Variants in LRP2 observed in about 807,000 individuals in gnomAD.
LRP2 encodes low-density lipoprotein receptor-related protein 2.
LRP2 carries 172 observed loss-of-function variants against 531.0 expected under a neutral mutation model. That is an observed-to-expected ratio of 0.32 (90% CI 0.29 to 0.37). The LOEUF is 0.37. Among genes scored for constraint, LRP2 ranks in the 10% least tolerant of loss-of-function variants. The pLI is 1.00. For synonymous variants in LRP2, 1,992 were observed against 2,027.6 expected (o/e 0.98, Z 0.47); for missense variants, 5,167 against 5,868.3 (o/e 0.88, Z 3.90).
At chr2:169,231,920 G>A (rs758479932) in intron 30 of LRP2, 78 bp from the exon 31 acceptor site, 1 of 1,561,650 alleles carries the variant, frequency 6.4e-7, no homozygotes, top group Non-Finnish European at 8.7e-7. Flanking sequence ...TGCTCTTAGT[G>A]TCCTTCCAGA....
At chr2:169,225,850 C>G (rs1689182950) in intron 32 of LRP2, among the ~76,000 whole-genome samples, 2 of 152,188 alleles carry the variant, frequency 1.3e-5, no homozygotes, top group South Asian at 4.1e-4. Context: ...CCTATTCTTA[C>G]AGGTTTTTTC....
chr2:169,208,346 T>C (rs557509343), intron 38 of LRP2, among the ~76,000 whole-genome samples: 2 of 152,342 alleles, frequency 1.3e-5, no homozygotes, highest in East Asian at 3.9e-4. Flanking sequence ...GGAACGGGAG[T>C]TAGGAACCCA....
In LRP2 at chr2:169,273,087, G is replaced by A. The variant is rs762731977; in HGVS notation, c.1976-20C>T. ...TGGTAGCTGGAAGGAAAAATGCACAGGGTTAAATTGCAATTAGAAATGTGT... is the reference window on the plus strand; with the variant it reads ...TGGTAGCTGGAAGGAAAAATGCACAAGGTTAAATTGCAATTAGAAATGTGT... On this transcript the variant is annotated intron_variant, in intron 14 of 78. Coordinates refer to ENST00000649046, the MANE Select transcript of LRP2 (RefSeq NM_004525.3). 6.2e-7 allele frequency: 1 copy of A among 1,613,236 alleles called. No individual in the cohort carries two copies. The highest frequency in any genetic ancestry group is 8.5e-7 in the Non-Finnish European group (1 of 1,179,474).
chr2:169,318,689 T>C (rs1480618683), intron 3 of LRP2, 73 bp downstream of exon 3: 1 of 1,599,728 alleles, frequency 6.3e-7, no homozygotes, highest in African/African-American at 1.3e-5. Flanking sequence ...TCCCATTGTG[T>C]GTAACTTCTT....
intron 18 of LRP2, among the ~76,000 whole-genome samples, chr2:169,256,808 C>A (rs1055951625): frequency 6.6e-6 from 1 of 152,036 alleles, no homozygotes; most frequent in Non-Finnish European, 1.5e-5. Context: ...CAAATCTGTA[C>A]CCTACTTTAA....
At chr2:169,230,928 G>C (rs1202874660) in intron 31 of LRP2, among the ~76,000 whole-genome samples, 1 of 152,142 alleles carries the variant, frequency 6.6e-6, no homozygotes, top group African/African-American at 2.4e-5. Context: ...GATGGTAATA[G>C]TAACAGTACT....
intron 1 of LRP2, among the ~76,000 whole-genome samples, chr2:169,353,850 GAGTGC>G (rs1685920783): frequency 6.6e-6 from 1 of 152,102 alleles, no homozygotes. Context: ...AATTAACTGT[GAGTGC>G]TGGTATGTGT....
At position 169,247,485 on chromosome 2, in the gene LRP2, C is replaced by A. The variant is rs1266024426; in HGVS notation, c.2801G>T (p.Gly934Val). The change falls in exon 20 of 79, where the codon GGT (glycine) becomes GTT (valine). Residue 934 changes from glycine to valine, a missense_variant. Physicochemically the swap from Gly to Val is moderately radical, Grantham distance 109. This residue lies in a region of LRP2 where 2,811 missense variants were observed against 3,058.0 expected (regional missense o/e 0.92). Coordinates refer to ENST00000649046, the MANE Select transcript of LRP2 (RefSeq NM_004525.3). Reference protein sequence around the residue: ...EHLFFTDWRLGAIIRVRKADG... With the variant: ...EHLFFTDWRLVAIIRVRKADG... ...TGCTTTCCTGACTCGAATAATGGCA[C>A]CCAGTCTCCAGTCAGTAAAAAATAA... 6.2e-7 allele frequency: 1 copy of A among 1,614,104 alleles called. No homozygotes were observed. Among genetic ancestry groups the A allele is most frequent in the Admixed American group, 1.7e-5 (1 of 60,018 alleles).
chr2:169,181,653 GC>G, intron 51 of LRP2, 35 bp from the exon 52 acceptor site: 3 of 1,598,936 alleles, frequency 1.9e-6, no homozygotes, highest in Non-Finnish European at 2.6e-6. Flanking sequence ...AGTCCCTGAT[GC>G]CAAAAGAAGT....
At chr2:169,145,531 T>C (rs1013553923) in intron 70 of LRP2, among the ~76,000 whole-genome samples, 7 of 152,192 alleles carry the variant, frequency 4.6e-5, no homozygotes, top group Non-Finnish European at 8.8e-5. Flanking sequence ...TGCTGATGGT[T>C]TGCATAATTT....
rs1684071418 is a variant in LRP2 at position 169,294,012 on chromosome 2, T to C, written c.652+136A>G. On this transcript the variant is annotated intron_variant, in intron 6 of 78. Transcript: ENST00000649046. ...CCCCTAGTGACCGTCTGATTCCATC[T>C]GCCATCAAACGTAGTGACTCTTCTC... 5 of 716,834 alleles carry C rather than the reference T, an allele frequency of 7.0e-6. No homozygotes were observed. In the East Asian group the frequency reaches 1.4e-4, roughly 19 times the overall value. 44.4% of individuals were successfully genotyped at this position (716,834 alleles called of 1,614,324 possible).
chr2:169,298,904 T>G (rs1427866899), intron 4 of LRP2, among the ~76,000 whole-genome samples: 1 of 151,656 alleles, frequency 6.6e-6, no homozygotes, highest in African/African-American at 2.4e-5. Context: ...GTCCCTAAAG[T>G]GACTGCCATC....
At chr2:169,140,256 G>A (rs905368390) in intron 72 of LRP2, among the ~76,000 whole-genome samples, 199 bp downstream of exon 72, 8 of 152,222 alleles carry the variant, frequency 5.3e-5, no homozygotes, top group African/African-American at 1.2e-4. Context: ...AGATCTCCAC[G>A]GGATTCTTAT....
chr2:169,173,077 C>G lies in LRP2; in HGVS notation c.11143+19G>C. 8 of 1,614,112 alleles carry G rather than the reference C, an allele frequency of 5.0e-6. No individual in the cohort carries two copies. Among genetic ancestry groups the G allele is most frequent in the Non-Finnish European group, 6.8e-6 (8 of 1,180,008 alleles). ...GCACTTTCTTGTCCCTCCCTCCACT[C>G]CCCTGTGGCCCCTCCTACCACAGCC... On this transcript the variant is annotated intron_variant, in intron 57 of 78. Coordinates refer to ENST00000649046, the MANE Select transcript of LRP2 (RefSeq NM_004525.3).
intron 1 of LRP2, among the ~76,000 whole-genome samples, chr2:169,328,525 C>T (rs1456520634): frequency 2.7e-5 from 4 of 149,284 alleles, no homozygotes; most frequent in Non-Finnish European, 5.9e-5. Context: ...TTGACAGAGC[C>T]TATAAGTTTA....
In LRP2 at chr2:169,146,943, C is replaced by T. The variant is rs1368639428; in HGVS notation, c.12607G>A (p.Asp4203Asn). The T allele has an allele frequency of 1.2e-6, 2 of 1,612,320 alleles. No individual in the cohort carries two copies. The change falls in exon 69 of 79, where the codon GAC becomes AAC. Residue 4203 changes from aspartate to asparagine, a missense_variant. Coordinates refer to ENST00000649046, the MANE Select transcript of LRP2 (RefSeq NM_004525.3). ...TCGATTTTAGGTTCCTTTCCCCAGT[C>T]AGTCCAGAACATAAGCCTATAACAG... ...NPKLGLMFWT[D>N]WGKEPKIESA...
chr2:169,128,892 T>C (rs1685187415), intron 78 of LRP2, 62 bp from the exon 79 acceptor site: 3 of 1,599,228 alleles, frequency 1.9e-6, no homozygotes, highest in Non-Finnish European at 2.6e-6. Context: ...TACACGGTTT[T>C]TCATAAAGAA....
chr2:169,311,964 T>C (rs1684610544), intron 3 of LRP2, among the ~76,000 whole-genome samples: 1 of 152,230 alleles, frequency 6.6e-6, no homozygotes, highest in African/African-American at 2.4e-5. Context: ...ATGGCCTTCT[T>C]TGTCTCTTCT....
At position 169,246,827 on chromosome 2, in the gene LRP2, G is replaced by A. The variant is rs776970596; in HGVS notation, c.3068C>T (p.Thr1023Ile). ...CEGDPTNEPPTEQCGLFSFPC... is the reference protein window; with the variant it reads ...CEGDPTNEPPIEQCGLFSFPC... ...GAAGGAAAATAAGCCACACTGCTCT[G>A]TGGGTGGTTCATTGGTTGGGTCCCC... Residue 1023 changes from threonine (T) to isoleucine (I), a missense_variant, in exon 21 of 79, where the codon ACA becomes ATA. Coordinates refer to ENST00000649046, the MANE Select transcript of LRP2 (RefSeq NM_004525.3). The A allele has an allele frequency of 3.7e-5, 60 of 1,614,044 alleles. No individual in the cohort carries two copies. Among genetic ancestry groups the A allele is most frequent in the African/African-American group, 2.0e-4 (15 of 74,912 alleles).
Sources: allele counts gnomAD v4.1 joint callset (sites outside exome capture counted in the v4.1 genomes callset), GRCh38; gene constraint gnomAD v4.1.1; regional missense constraint gnomAD v4.1.1; transcripts MANE v1.5; gene names NCBI Gene and HGNC (gene_info 2026-07-23, HGNC 2026-07-21).